The following MYRFL variants were observed in gnomAD, a reference collection of about 807,000 sequenced individuals.
MYRFL encodes myelin regulatory factor like.
MYRFL carries 88 observed loss-of-function variants against 109.4 expected under a neutral mutation model. The observed-to-expected ratio is 0.80, with a 90% CI of 0.68 to 0.96. The LOEUF (loss-of-function observed/expected upper bound fraction) is 0.96. Ranked by LOEUF, MYRFL falls within the 40% of genes least tolerant of loss-of-function variation. MYRFL has a pLI of 0.00. For synonymous variants in MYRFL, 324 were observed against 320.9 expected (o/e 1.01, Z -0.10); for missense variants, 957 against 954.9 (o/e 1.00, Z -0.03).
At chr12:69,877,411 T>G (rs1181193279) in intron 2 of MYRFL, among the ~76,000 whole-genome samples, 4 of 152,194 alleles carry the variant, frequency 2.6e-5, no homozygotes, top group Middle Eastern at 3.2e-3. Context: ...TGGTGACTCC[T>G]GCGTCCTGGG....
intron 5 of MYRFL, among the ~76,000 whole-genome samples, chr12:69,882,392 GA>G (rs1301598789): frequency 6.6e-6 from 1 of 152,170 alleles, no homozygotes; most frequent in Non-Finnish European, 1.5e-5. Context: ...TATTTTTAGC[GA>G]AAGTTTTCTA....
At chr12:69,891,561 A>ATTTCTTTCTTTCTTTC (rs60757761) in intron 7 of MYRFL, among the ~76,000 whole-genome samples, 16,467 of 114,456 alleles carry the variant, frequency 0.14, 1,884 homozygotes, top group East Asian at 0.23. Flanking sequence ...AAAGGTGTCA[A>ATTTCTTTCTTTCTTTC]TTTCTTTCTT....
intron 2 of MYRFL, among the ~76,000 whole-genome samples, chr12:69,864,571 C>T (rs933687938): frequency 2.7e-5 from 4 of 150,726 alleles, no homozygotes; most frequent in Admixed American, 2.7e-4. Context: ...TTACTCTCTG[C>T]CAAGAGAAAC....
rs566741538 is a variant in MYRFL at position 69,940,117 on chromosome 12, G to T, written c.2224+3485G>T. On this transcript the variant is annotated intron_variant, in intron 19 of 24. Transcript: ENST00000552032. ...TGATGGGGAGAATGGAACCAAGTTG[G>T]AAAACACTCTGCAGGATATTACCCA... is the stretch of plus-strand genomic sequence containing the variant. Among the ~76,000 whole-genome samples, 7 of 151,998 alleles carry T rather than the reference G, an allele frequency of 4.6e-5. No homozygotes were observed. The South Asian group carries it at 1.2e-3, about 27-fold the overall frequency.
At chr12:69,911,464 G>A (rs192912736) in intron 13 of MYRFL, among the ~76,000 whole-genome samples, 104 of 152,290 alleles carry the variant, frequency 6.8e-4, no homozygotes, top group Middle Eastern at 3.4e-3. Flanking sequence ...CATAAAGTGA[G>A]TCATTTTTAT....
At chr12:69,825,927 C>T (rs1362271471) in intron 1 of MYRFL, among the ~76,000 whole-genome samples, 1 of 151,894 alleles carries the variant, frequency 6.6e-6, no homozygotes, top group African/African-American at 2.4e-5. Context: ...GAAACGTGAC[C>T]ATCATTTTTA....
At chr12:69,877,023 C>CTTTT (rs113649427) in intron 2 of MYRFL, among the ~76,000 whole-genome samples, 2 of 128,894 alleles carry the variant, frequency 1.6e-5, no homozygotes, top group Non-Finnish European at 3.2e-5. Flanking sequence ...TTCTTTCTTT[C>CTTTT]TTTTTTTTTT....
chr12:69,926,932 GGTTTTTTTTTTTT>G (rs1239195908), intron 14 of MYRFL, among the ~76,000 whole-genome samples, 198 bp downstream of exon 14: 4 of 76,872 alleles, frequency 5.2e-5, no homozygotes, highest in Non-Finnish European at 7.7e-5. Context: ...TTCTGTTGCT[GGTTTTTTTTTTTT>G]TTTTTTTTTT....
intron 15 of MYRFL, among the ~76,000 whole-genome samples, chr12:69,928,450 A>G (rs1955167812): frequency 6.6e-6 from 1 of 152,222 alleles, no homozygotes; most frequent in South Asian, 2.1e-4. Flanking sequence ...GAAGATATCC[A>G]TGACCTTAAA....
rs1267447647 is a variant in MYRFL, at chr12:69,910,023, G to C, written c.1438G>C (p.Asp480His). The part of the protein sequence containing the change: ...RIAQMRIVEY[D>H]YKPEFASAMG... ...AGCCCAAATGAGAATTGTTGAATAT[G>C]ACTACAAACCTGAATTTGCATCTGC... Residue 480 changes from aspartate (D) to histidine (H), a missense_variant, in exon 12 of 25, where the codon GAC becomes CAC. Transcript: ENST00000552032. 1 of 1,534,780 alleles carries C rather than the reference G, an allele frequency of 6.5e-7. No individual in the cohort carries two copies. Among genetic ancestry groups the C allele is most frequent in the African/African-American group, 1.4e-5 (1 of 72,972 alleles).
intron 19 of MYRFL, among the ~76,000 whole-genome samples, chr12:69,939,527 C>A (rs1235796389): frequency 5.3e-5 from 8 of 152,002 alleles, no homozygotes; most frequent in Non-Finnish European, 1.2e-4. Context: ...ACATCCACAC[C>A]AAAAACCCAT....
chr12:69,877,001 G>GTCTTTCTTTCTTTCTTTCTT (rs201597849), intron 2 of MYRFL, among the ~76,000 whole-genome samples: 16 of 78,574 alleles, frequency 2.0e-4, no homozygotes, highest in African/African-American at 6.0e-4. Context: ...AAGGGTCCAG[G>GTCTTTCTTTCTTTCTTTCTT]TCTTTCTTTC....
intron 11 of MYRFL, among the ~76,000 whole-genome samples, chr12:69,906,916 A>T (rs896009184): frequency 6.6e-6 from 1 of 152,228 alleles, no homozygotes; most frequent in African/African-American, 2.4e-5. Flanking sequence ...AGGCAGCATG[A>T]TGCTGATGGC....
chr12:69,883,747 A>G (rs1301837741), intron 5 of MYRFL, among the ~76,000 whole-genome samples: 1 of 151,674 alleles, frequency 6.6e-6, no homozygotes, highest in Non-Finnish European at 1.5e-5. Flanking sequence ...GTGGTGGCAC[A>G]TGCCTGTGGT....
At chr12:69,917,479 C>T (rs190327606) in intron 13 of MYRFL, among the ~76,000 whole-genome samples, 30 of 140,142 alleles carry the variant, frequency 2.1e-4, no homozygotes, top group Admixed American at 7.2e-4. Flanking sequence ...TTTATTGTGG[C>T]TTTTACCCCA....
intron 19 of MYRFL, among the ~76,000 whole-genome samples, chr12:69,951,303 T>A: frequency 6.6e-6 from 1 of 152,118 alleles, no homozygotes; most frequent in Non-Finnish European, 1.5e-5. Context: ...TGTCAGCAGG[T>A]CTGATTTCTT....
intron 11 of MYRFL, chr12:69,904,059 G>C (rs1954280224): frequency 2.2e-6 from 1 of 463,852 alleles, no homozygotes; most frequent in Non-Finnish European, 3.8e-6. Context: ...TTACCTGACA[G>C]GAGCAGTGGG....
intron 2 of MYRFL, among the ~76,000 whole-genome samples, chr12:69,873,361 G>T (rs902185205): frequency 1.3e-5 from 2 of 152,174 alleles, no homozygotes; most frequent in Admixed American, 6.5e-5. Flanking sequence ...GGTTGGACAA[G>T]CTTGCAGTAG....
chr12:69,951,293 T>C (rs1955969044), intron 19 of MYRFL, among the ~76,000 whole-genome samples: 1 of 152,126 alleles, frequency 6.6e-6, no homozygotes, highest in Non-Finnish European at 1.5e-5. Flanking sequence ...AAGACCAAGG[T>C]GTCAGCAGGT....
Sources: gnomAD v4.1 joint callset for allele counts (sites outside exome capture counted in the v4.1 genomes callset) on GRCh38, gnomAD v4.1.1 for gene constraint, MANE v1.5 for transcripts, NCBI Gene and HGNC (gene_info 2026-07-23, HGNC 2026-07-21) for gene names.